The following TMEM272 variants were observed in gnomAD, a reference collection of about 807,000 sequenced individuals.
TMEM272 encodes long intergenic non-protein coding RNA 282.
Under a neutral mutation model 3.7 loss-of-function variants are expected in TMEM272, and 8 were observed. The ratio of observed to expected loss-of-function variants is 2.17; its 90% CI spans 1.27 to 3.91. The LOEUF is 3.91. TMEM272 is among the 30% of genes most tolerant of loss of function. The pLI, the probability that TMEM272 is intolerant of heterozygous loss-of-function variation, is 0.00. For missense variants in TMEM272, 166 were observed against 91.5 expected, an observed-to-expected ratio of 1.81 and a Z score of -3.32; for synonymous variants, 63 against 39.8, an observed-to-expected ratio of 1.58 and a Z score of -2.20.
chr13:51,910,885 T>G, the TMEM272 span, among the ~76,000 whole-genome samples: 1 of 152,190 alleles, frequency 6.6e-6, no homozygotes, highest in African/African-American at 2.4e-5. Flanking sequence ...CAATACCACA[T>G]GCAGAGAAAG....
chr13:51,902,684 C>T, the TMEM272 span, among the ~76,000 whole-genome samples: 1 of 152,204 alleles, frequency 6.6e-6, no homozygotes, highest in Non-Finnish European at 1.5e-5. Context: ...TCACTTGCAG[C>T]CCTGATGGAC....
chr13:51,832,501 G>A (rs913452551), intron 2 of TMEM272, among the ~76,000 whole-genome samples: 2 of 152,150 alleles, frequency 1.3e-5, no homozygotes, highest in African/African-American at 4.8e-5. Flanking sequence ...TACCCAGAAG[G>A]CAACTGGCAA....
At chr13:51,907,771 A>T in the TMEM272 span, among the ~76,000 whole-genome samples, 1 of 152,192 alleles carries the variant, frequency 6.6e-6, no homozygotes, top group Non-Finnish European at 1.5e-5. Context: ...TCGACACTTG[A>T]TCTGTTCATC....
At chr13:51,910,379 C>T in the TMEM272 span, 108 of 1,071,018 alleles carry the variant, frequency 1.0e-4, no homozygotes, top group Non-Finnish European at 1.5e-4. Context: ...GTCCAGAAAG[C>T]GCTATAGCAA....
chr13:51,917,899 T>C, the TMEM272 span, among the ~76,000 whole-genome samples: 1 of 152,168 alleles, frequency 6.6e-6, no homozygotes, highest in African/African-American at 2.4e-5. Flanking sequence ...GTCGCCCTTC[T>C]CCTCCCACCT....
Position 51,842,692 on chromosome 13 carries a change from A to C in TMEM272, c.-24+2324T>G, listed in dbSNP as rs141644499. Among the ~76,000 whole-genome samples the C allele has an allele frequency of 5.8e-4, 88 of 152,368 alleles. 1 individual carries two copies. The highest frequency in any genetic ancestry group is 1.1e-3 in the Non-Finnish European group (76 of 68,034). ...ATGTACACACATTTTACATGGTTGC[A>C]ATAATCAGGCACATTAAGTGAACAC... On this transcript the variant is annotated intron_variant, in intron 1 of 4. Transcript: ENST00000629372.
chr13:51,865,876 G>A, the TMEM272 span: 8 of 1,613,580 alleles, frequency 5.0e-6, no homozygotes, highest in Non-Finnish European at 5.9e-6. Context: ...TGTGGGTAGA[G>A]GAAAGAGCCC....
chr13:51,904,518 G>T, the TMEM272 span, among the ~76,000 whole-genome samples: 1 of 152,164 alleles, frequency 6.6e-6, no homozygotes, highest in Non-Finnish European at 1.5e-5. Context: ...CTCTGGGCTT[G>T]AATAGGAATT....
At chr13:51,842,789 A>C (rs139656220) in intron 1 of TMEM272, among the ~76,000 whole-genome samples, 2 of 152,330 alleles carry the variant, frequency 1.3e-5, no homozygotes, top group African/African-American at 4.8e-5. Context: ...CAGCTGAATT[A>C]TATTTCACAG....
chr13:51,828,527 T>C (rs1197591519), intron 2 of TMEM272, among the ~76,000 whole-genome samples: 1 of 152,156 alleles, frequency 6.6e-6, no homozygotes, highest in Admixed American at 6.5e-5. Flanking sequence ...TGCAGAGTGA[T>C]TTGCCCCAAT....
intron 2 of TMEM272, among the ~76,000 whole-genome samples, chr13:51,831,171 C>T (rs1161075059): frequency 2.0e-5 from 3 of 152,152 alleles, no homozygotes; most frequent in Non-Finnish European, 4.4e-5. Context: ...CCTGTATTTC[C>T]GGCATTTTGG....
the TMEM272 span, among the ~76,000 whole-genome samples, chr13:51,920,984 C>G: frequency 6.6e-6 from 1 of 152,208 alleles, no homozygotes; most frequent in East Asian, 1.9e-4. Context: ...CCCTTAGGCT[C>G]AAACTCATTT....
chr13:51,900,670 C>A, the TMEM272 span, among the ~76,000 whole-genome samples: 145 of 152,038 alleles, frequency 9.5e-4, no homozygotes, highest in African/African-American at 3.4e-3. Flanking sequence ...ATGTTCATGT[C>A]AGCATTATTC....
At chr13:51,827,514 AT>A (rs1320285909) in intron 2 of TMEM272, among the ~76,000 whole-genome samples, 3 of 151,232 alleles carry the variant, frequency 2.0e-5, no homozygotes, top group African/African-American at 4.8e-5. Flanking sequence ...CTTGGCCAGC[AT>A]TTTTTTTTGA....
At chr13:51,888,133 C>T in the TMEM272 span, among the ~76,000 whole-genome samples, 89 of 151,584 alleles carry the variant, frequency 5.9e-4, no homozygotes, top group Admixed American at 2.3e-3. Flanking sequence ...GCAAACTCCG[C>T]CTCCCAGGTT....
the TMEM272 span, among the ~76,000 whole-genome samples, chr13:51,879,838 G>T: frequency 2.0e-5 from 3 of 152,202 alleles, no homozygotes; most frequent in African/African-American, 7.2e-5. Context: ...TTTGCACAGG[G>T]TGGTTAGGAA....
At chr13:51,905,539 C>A in the TMEM272 span, among the ~76,000 whole-genome samples, 1 of 152,208 alleles carries the variant, frequency 6.6e-6, no homozygotes, top group African/African-American at 2.4e-5. Context: ...AAAGGAAACA[C>A]CCAGAGAGCA....
At chr13:51,829,629 GA>G (rs1956155591) in intron 2 of TMEM272, among the ~76,000 whole-genome samples, 1 of 152,150 alleles carries the variant, frequency 6.6e-6, no homozygotes, top group African/African-American at 2.4e-5. Context: ...TTACAAGGAT[GA>G]AAAAAAGTGA....
the TMEM272 span, among the ~76,000 whole-genome samples, chr13:51,859,591 A>C: frequency 6.6e-6 from 1 of 151,788 alleles, no homozygotes; most frequent in African/African-American, 2.4e-5. Flanking sequence ...GTTCATGGAG[A>C]TCTCTGTCCA....
Sources: allele counts gnomAD v4.1 joint callset (sites outside exome capture counted in the v4.1 genomes callset), GRCh38; gene constraint gnomAD v4.1.1; transcripts MANE v1.5; gene names NCBI Gene and HGNC (gene_info 2026-07-23, HGNC 2026-07-21).